Variants in NAPSA observed in about 807,000 individuals in gnomAD.
NAPSA encodes napsin-A.
In NAPSA, 37 loss-of-function variants were observed where a neutral mutation model predicts 36.7. The ratio of observed to expected loss-of-function variants is 1.01; its 90% CI spans 0.78 to 1.33. NAPSA has a LOEUF of 1.33. NAPSA is among the 40% of genes most tolerant of loss of function. NAPSA has a pLI of 0.00. For synonymous variants in NAPSA, 222 were observed against 234.5 expected (o/e 0.95, Z 0.49); for missense variants, 532 against 543.8 (o/e 0.98, Z 0.21).
chr19:50,368,157 C>CAAAAAAA (rs56938224), upstream of NAPSA, among the ~76,000 whole-genome samples: 1 of 64,188 alleles, frequency 1.6e-5, no homozygotes, highest in Admixed American at 1.8e-4. Context: ...GACTCCCTCT[C>CAAAAAAA]AAAAAAAAAA....
intron 1 of NAPSA, 49 bp downstream of exon 1, chr19:50,365,490 A>G (rs764790005): frequency 1.5e-5 from 24 of 1,569,508 alleles, no homozygotes; most frequent in Admixed American, 5.1e-5. Flanking sequence ...AAAGGGCAAG[A>G]GGCAGAAAAT....
At chr19:50,366,069 T>C (rs2037545778), upstream of NAPSA, 1 of 153,606 alleles carries the variant, frequency 6.5e-6, no homozygotes, top group Admixed American at 6.5e-5. Flanking sequence ...ACATATGAAG[T>C]GGGCCCGCAT....
In NAPSA at chr19:50,363,543, TTTTTA is replaced by T. The variant is rs555274568; in HGVS notation, c.84-1235_84-1231del. On this transcript the variant is annotated intron_variant, in intron 1 of 8. Coordinates refer to ENST00000253719, the MANE Select transcript of NAPSA (RefSeq NM_004851.3). The stretch of plus-strand genomic sequence containing the variant: ...CTATGGGCACACCACCACACCTGGC[TTTTTA>T]TTTTATTTTATTTTATTTATTAATT... 2.8e-4 allele frequency among the ~76,000 whole-genome samples: 43 copies of T among 151,958 alleles called. No homozygotes were observed. In the South Asian group the frequency reaches 6.7e-3, roughly 24 times the overall value.
At chr19:50,361,817 G>A in intron 3 of NAPSA, 36 bp from the exon 4 acceptor site, 4 of 1,588,820 alleles carry the variant, frequency 2.5e-6, no homozygotes, top group Non-Finnish European at 3.5e-6. Flanking sequence ...ATGGGGGAGG[G>A]AATCTCCCCA....
chr19:50,367,885 C>T (rs192562813), upstream of NAPSA, among the ~76,000 whole-genome samples: 242 of 152,154 alleles, frequency 1.6e-3, 1 homozygote, highest in Middle Eastern at 0.031. Flanking sequence ...CGGCTGGATG[C>T]GGTAACTCAT....
At position 50,359,746 on chromosome 19, in the gene NAPSA, A is replaced by G. The variant is rs1043277141; in HGVS notation, c.785T>C (p.Met262Thr). 1.2e-6 allele frequency: 2 copies of G among 1,614,204 alleles called. No homozygotes were observed. The highest frequency in any genetic ancestry group is 1.3e-5 in the African/African-American group (1 of 75,058). The change falls in exon 6 of 9, where the codon ATG becomes ACG. Residue 262 changes from methionine (M) to threonine (T), a missense_variant. This residue lies in a region of NAPSA where 385 missense variants were observed against 371.5 expected (regional missense o/e 1.04). Transcript: ENST00000253719. ...VTVPAYWQIH[M>T]ERVKVGPGLT... ...AGGAGACCAAGTCCCTCACCGCTCC[A>G]TGTGGATCTGCCAGTAGGCAGGGAC...
rs778435688 is a variant in NAPSA, at chr19:50,359,858, G to A, written c.673C>T (p.Pro225Ser). The part of the protein sequence containing the change: ...PVFSFYLNRD[P>S]EEPDGGELVL... ...AGCTCTCCTCCATCAGGCTCTTCAG[G>A]GTCCCTGCAGGGGCAGAGTGTAGAG... The change falls in exon 6 of 9, where the codon CCT becomes TCT. Residue 225 changes from proline to serine, a missense_variant. Transcript: ENST00000253719. 7.4e-6 allele frequency: 12 copies of A among 1,613,836 alleles called. No individual in the cohort carries two copies. The highest frequency in any genetic ancestry group is 9.3e-6 in the Non-Finnish European group (11 of 1,179,890).
chr19:50,359,168 G>T, intron 7 of NAPSA, 59 bp from the exon 8 acceptor site: 1 of 1,454,228 alleles, frequency 6.9e-7, no homozygotes, highest in Non-Finnish European at 9.6e-7. Flanking sequence ...AGTCCCTTCC[G>T]TGGCTCCCCA....
intron 1 of NAPSA, among the ~76,000 whole-genome samples, chr19:50,363,199 C>G (rs2037500016): frequency 6.6e-6 from 1 of 152,064 alleles, no homozygotes; most frequent in Non-Finnish European, 1.5e-5. Context: ...CTTTGAGAGG[C>G]ACGAGAATGT....
At position 50,364,354 on chromosome 19, in the gene NAPSA, G is replaced by T. The variant is rs993270996; in HGVS notation, c.83+1185C>A. On this transcript the variant is annotated intron_variant, in intron 1 of 8. Transcript: ENST00000253719. ...AAAAAGGCCAGGCGCGGTGGCTTAC[G>T]CCTGTAATCCCAGCACTTTGCGAGG... 1.1e-4 allele frequency among the ~76,000 whole-genome samples: 17 copies of T among 148,504 alleles called. No homozygotes were observed. In the South Asian group the frequency reaches 1.9e-3, roughly 17 times the overall value.
Position 50,360,957 on chromosome 19 carries a change from A to G in NAPSA, c.652T>C (p.Ser218Pro), listed in dbSNP as rs2037463687. 5.6e-6 allele frequency: 9 copies of G among 1,614,018 alleles called. No homozygotes were observed. The highest frequency in any genetic ancestry group is 7.6e-6 in the Non-Finnish European group (9 of 1,179,988). ...EQGLLDKPVF[S>P]FYLNRDPEEP... is the part of the protein sequence containing the mutation. ...TCCCAGTACCTGTTGAGGTAAAAGG[A>G]GAAGACAGGCTTATCCAATAGCCCC... Residue 218 changes from serine to proline, a missense_variant, in exon 5 of 9, where the codon TCC (serine) becomes CCC (proline). By Grantham distance (74) the Ser-to-Pro change is moderately conservative. Around this residue, in one of 3 missense-constraint regions of NAPSA, gnomAD observed 385 missense variants for 371.5 expected, o/e 1.04. Transcript: ENST00000253719.
chr19:50,360,936 A>G lies in NAPSA; in HGVS notation c.668+5T>C. ...ACTCATAGATAGGTGCACACTTCCC[A>G]GTACCTGTTGAGGTAAAAGGAGAAG... On this transcript the variant is annotated splice_donor_5th_base_variant and intron_variant, in intron 5 of 8. Coordinates refer to ENST00000253719, the MANE Select transcript of NAPSA (RefSeq NM_004851.3). 6.2e-7 allele frequency: 1 copy of G among 1,613,342 alleles called. No homozygotes were observed. Among genetic ancestry groups the G allele is most frequent in the Non-Finnish European group, 8.5e-7 (1 of 1,179,556 alleles).
At position 50,364,946 on chromosome 19, in the gene NAPSA, C is replaced by T. The variant is rs186083559; in HGVS notation, c.83+593G>A. 7.0e-3 allele frequency among the ~76,000 whole-genome samples: 1,013 copies of T among 144,992 alleles called. 7 individuals carry two copies. Among genetic ancestry groups the T allele is most frequent in the Non-Finnish European group, 0.01 (688 of 66,230 alleles). On this transcript the variant is annotated intron_variant, in intron 1 of 8. Transcript: ENST00000253719. ...GGCAGAGGTTGCAGTGAGCTGAGATCGCCCCACTGCACTCCAGCCTGGGTA... is the reference window on the plus strand; with the variant it reads ...GGCAGAGGTTGCAGTGAGCTGAGATTGCCCCACTGCACTCCAGCCTGGGTA...
chr19:50,362,271 G>A lies in NAPSA; in HGVS notation c.126C>T (p.Asn42=). The change falls in exon 2 of 9, where the codon AAC becomes AAT. Residue 42 remains asparagine (N), a synonymous_variant. Transcript: ENST00000253719. ...CTGGTTCTCTCCATCCCCTCAGTAGGTTCAGGATCCTGCGTCCAGGTTGGA... is the reference window on the plus strand; with the variant it reads ...CTGGTTCTCTCCATCCCCTCAGTAGATTCAGGATCCTGCGTCCAGGTTGGA... ...HRVQPGRRIL[N]LLRGWREPAE... 1 of 1,613,658 alleles carries A rather than the reference G, an allele frequency of 6.2e-7. No homozygotes were observed. The highest frequency in any genetic ancestry group is 8.5e-7 in the Non-Finnish European group (1 of 1,179,726).
In NAPSA at chr19:50,362,161, C is replaced by T; in HGVS notation, c.225+11G>A. 6.2e-7 allele frequency: 1 copy of T among 1,612,372 alleles called. No individual in the cohort carries two copies. Among genetic ancestry groups the T allele is most frequent in the Non-Finnish European group, 8.5e-7 (1 of 1,178,840 alleles). ...GCGCAGGGGTGAGGGCTGTGTGGGGCTGTGACTCACATCCCTGTAGTTCGA... is the reference window on the plus strand; with the variant it reads ...GCGCAGGGGTGAGGGCTGTGTGGGGTTGTGACTCACATCCCTGTAGTTCGA... On this transcript the variant is annotated intron_variant, in intron 2 of 8. Transcript: ENST00000253719.
At chr19:50,366,180 TGTTTTTTG>T (rs2037547203), upstream of NAPSA, among the ~76,000 whole-genome samples, 1 of 151,958 alleles carries the variant, frequency 6.6e-6, no homozygotes, top group South Asian at 2.1e-4. Flanking sequence ...TTTTTGTTTT[TGTTTTTTG>T]GTTTTTTTTT....
In NAPSA at chr19:50,359,526, C is replaced by T. The variant is rs550732028; in HGVS notation, c.913G>A (p.Gly305Arg). The T allele has an allele frequency of 1.9e-6, 3 of 1,614,214 alleles. No homozygotes were observed. The highest frequency in any genetic ancestry group is 2.2e-5 in the South Asian group (2 of 91,088). The part of the protein sequence containing the change: ...EIRALHAAIG[G>R]IPLLAGEYII... ...ACCTCCCCAGCCAGCAAGGGGATTC[C>T]CCCAATGGCTGCATGCAGGGCCCGG... is the stretch of plus-strand genomic sequence containing the variant. Residue 305 changes from glycine to arginine, a missense_variant, in exon 7 of 9, where the codon GGA becomes AGA. Physicochemically the swap from Gly to Arg is moderately radical, Grantham distance 125 (BLOSUM62 -2). Coordinates refer to ENST00000253719, the MANE Select transcript of NAPSA (RefSeq NM_004851.3).
Position 50,365,007 on chromosome 19 carries a change from T to TA in NAPSA, c.83+531dup, listed in dbSNP as rs1486141073. Among the ~76,000 whole-genome samples the TA allele has an allele frequency of 9.3e-3, 1,025 of 109,890 alleles. 16 individuals carry two copies. Among genetic ancestry groups the TA allele is most frequent in the African/African-American group, 0.04 (979 of 24,180 alleles). The allele number at this position is 109,890 out of a possible 152,430, so 72.1% of individuals were successfully genotyped here. On this transcript the variant is annotated intron_variant, in intron 1 of 8. Coordinates refer to ENST00000253719, the MANE Select transcript of NAPSA (RefSeq NM_004851.3). ...ACTCTGTCTCAAATAATAATAATAATAATAAATAATAATAATAATAATAAT... is the reference window on the plus strand; with the variant it reads ...ACTCTGTCTCAAATAATAATAATAATAAATAAATAATAATAATAATAATAAT...
At chr19:50,361,349 G>C in intron 4 of NAPSA, 1 of 590,102 alleles carries the variant, frequency 1.7e-6, no homozygotes. Flanking sequence ...CTTCACCCAG[G>C]AAGCTCCTCC....
Sources: gnomAD v4.1 joint callset for allele counts (sites outside exome capture counted in the v4.1 genomes callset) on GRCh38, gnomAD v4.1.1 for gene constraint, gnomAD v4.1.1 regional missense constraint, MANE v1.5 for transcripts, NCBI Gene and HGNC (gene_info 2026-07-23, HGNC 2026-07-21) for gene names.